Variants in FAM171A1 observed in about 807,000 individuals in gnomAD.
FAM171A1 encodes protein FAM171A1.
Under a neutral mutation model 74.9 loss-of-function variants are expected in FAM171A1, and 23 were observed. That is an observed-to-expected ratio of 0.31 (90% CI 0.22 to 0.44). The LOEUF (loss-of-function observed/expected upper bound fraction) is 0.44. Ranked by LOEUF, FAM171A1 falls within the 20% of genes least tolerant of loss-of-function variation. FAM171A1 has a pLI of 1.00. For synonymous variants in FAM171A1, 527 were observed against 505.7 expected (o/e 1.04, Z -0.57); for missense variants, 1,162 against 1,159.2 (o/e 1.00, Z -0.03).
At chr10:15,355,125 C>T (rs1013636069) in intron 1 of FAM171A1, among the ~76,000 whole-genome samples, 14 of 152,356 alleles carry the variant, frequency 9.2e-5, no homozygotes, top group African/African-American at 3.1e-4. Flanking sequence ...CTTGCTCTGA[C>T]ATCCAGGCAA....
intron 5 of FAM171A1, among the ~76,000 whole-genome samples, chr10:15,242,514 C>T (rs1224551601): frequency 6.6e-6 from 1 of 152,228 alleles, no homozygotes; most frequent in Non-Finnish European, 1.5e-5. Flanking sequence ...CGGCCGGGCG[C>T]GTTGGCTCAC....
intron 1 of FAM171A1, among the ~76,000 whole-genome samples, chr10:15,340,386 T>C (rs1388665001): frequency 6.6e-6 from 1 of 152,186 alleles, no homozygotes; most frequent in African/African-American, 2.4e-5. Context: ...TAAAAGGCTT[T>C]GCTCACACAC....
intron 2 of FAM171A1, among the ~76,000 whole-genome samples, chr10:15,280,369 G>C (rs770701772): frequency 2.0e-5 from 3 of 152,232 alleles, no homozygotes; most frequent in Non-Finnish European, 4.4e-5. Flanking sequence ...CTGTGGGGTA[G>C]AACAACTGGA....
At chr10:15,241,762 C>G (rs1278996546) in intron 5 of FAM171A1, 1 of 152,024 alleles carries the variant, frequency 6.6e-6, no homozygotes, top group African/African-American at 2.4e-5. Context: ...CACTTTGAAT[C>G]CACCCTCTTA....
intron 1 of FAM171A1, among the ~76,000 whole-genome samples, chr10:15,332,498 C>T (rs77387680): frequency 0.088 from 13,362 of 152,152 alleles, 644 homozygotes; most frequent in South Asian, 0.12. Flanking sequence ...GGTTCTGGGG[C>T]GCTGCTTGGC....
chr10:15,248,806 G>T lies in FAM171A1; in HGVS notation c.587C>A (p.Thr196Asn), dbSNP rs778885958. The T allele has an allele frequency of 1.5e-5, 24 of 1,606,866 alleles. No homozygotes were observed. In the Admixed American group the frequency reaches 4.1e-4, roughly 27 times the overall value. ...TGTGACTGGGGTCAGGTCATGCCTG[G>T]TGCTGTTTCCTAGAAGGAAGAGGCA... Reference protein sequence around the residue: ...GLDGNGTGNSTRHDLTPVTAV... With the variant: ...GLDGNGTGNSNRHDLTPVTAV... Residue 196 changes from threonine to asparagine, a missense_variant, in exon 5 of 8, where the codon ACC becomes AAC. Coordinates refer to ENST00000378116, the MANE Select transcript of FAM171A1 (RefSeq NM_001010924.2).
intron 1 of FAM171A1, among the ~76,000 whole-genome samples, chr10:15,339,028 C>T (rs1001127365): frequency 5.9e-5 from 9 of 152,194 alleles, no homozygotes; most frequent in Non-Finnish European, 7.3e-5. Flanking sequence ...CATGAGCCAC[C>T]GCACCCAGCC....
intron 1 of FAM171A1, among the ~76,000 whole-genome samples, chr10:15,296,819 G>A (rs1186061579): frequency 1.3e-5 from 2 of 150,122 alleles, no homozygotes; most frequent in Non-Finnish European, 3.0e-5. Context: ...TGACCTCATT[G>A]GAGACGCATG....
chr10:15,306,511 T>C (rs1297642405), intron 1 of FAM171A1, among the ~76,000 whole-genome samples: 2 of 152,044 alleles, frequency 1.3e-5, no homozygotes, highest in African/African-American at 2.4e-5. Flanking sequence ...ACTACAGGCA[T>C]GCCCCACCAT....
upstream of FAM171A1, among the ~76,000 whole-genome samples, chr10:15,373,229 G>A (rs1233847998): frequency 6.6e-6 from 1 of 152,188 alleles, no homozygotes; most frequent in Non-Finnish European, 1.5e-5. Flanking sequence ...CAGGTAGTCA[G>A]GAAGGCAGAA....
rs574849238 is a variant in FAM171A1 at position 15,288,563 on chromosome 10, T to C, written c.98-4458A>G. On this transcript the variant is annotated intron_variant, in intron 1 of 7. Coordinates refer to ENST00000378116, the MANE Select transcript of FAM171A1 (RefSeq NM_001010924.2). ...TGGAAATGCAACATTTACTAACAATTGGGATTACAAGGTCTTCACTGTTTG... is the reference window on the plus strand; with the variant it reads ...TGGAAATGCAACATTTACTAACAATCGGGATTACAAGGTCTTCACTGTTTG... 2.6e-5 allele frequency among the ~76,000 whole-genome samples: 4 copies of C among 152,306 alleles called. No individual in the cohort carries two copies. In the East Asian group the frequency reaches 7.7e-4, roughly 29 times the overall value.
chr10:15,314,562 C>T (rs1835401030), intron 1 of FAM171A1, among the ~76,000 whole-genome samples: 1 of 152,316 alleles, frequency 6.6e-6, no homozygotes, highest in East Asian at 1.9e-4. Context: ...CTCGTTGAAG[C>T]AATCAGACCT....
rs550269061 is a variant in FAM171A1 at position 15,301,241 on chromosome 10, C to T, written c.98-17136G>A. Reference sequence around the variant, plus strand: ...AGGCTGGAGGGCAGTGGCGCGATCTCGGCTCACTACAACCTCTGTCTTCTG... The same window carrying T: ...AGGCTGGAGGGCAGTGGCGCGATCTTGGCTCACTACAACCTCTGTCTTCTG... On this transcript the variant is annotated intron_variant, in intron 1 of 7. Coordinates refer to ENST00000378116, the MANE Select transcript of FAM171A1 (RefSeq NM_001010924.2). Among the ~76,000 whole-genome samples, 326 of 152,216 alleles carry T rather than the reference C, an allele frequency of 2.1e-3. 2 individuals carry two copies. Among genetic ancestry groups the T allele is most frequent in the African/African-American group, 7.3e-3 (303 of 41,550 alleles).
At chr10:15,263,376 G>A (rs1368246003) in intron 3 of FAM171A1, among the ~76,000 whole-genome samples, 1 of 152,128 alleles carries the variant, frequency 6.6e-6, no homozygotes, top group Non-Finnish European at 1.5e-5. Context: ...CTCCCCACAA[G>A]ATTTTGATGG....
intron 1 of FAM171A1, among the ~76,000 whole-genome samples, chr10:15,347,012 G>A (rs1835824406): frequency 1.3e-5 from 2 of 152,162 alleles, no homozygotes; most frequent in Non-Finnish European, 1.5e-5. Context: ...TTTTTGCTAC[G>A]TCAACTGTAG....
At chr10:15,371,554 A>G (rs1836149409), upstream of FAM171A1, among the ~76,000 whole-genome samples, 1 of 150,550 alleles carries the variant, frequency 6.6e-6, no homozygotes, top group Non-Finnish European at 1.5e-5. Context: ...TCTGGGTGTG[A>G]CCCCCCCACC....
chr10:15,242,407 C>T (rs1834374367), intron 5 of FAM171A1, among the ~76,000 whole-genome samples: 1 of 152,228 alleles, frequency 6.6e-6, no homozygotes, highest in African/African-American at 2.4e-5. Context: ...TGACTATCCA[C>T]AAACGTTGGC....
intron 5 of FAM171A1, chr10:15,240,778 CGTT>C (rs932845861): frequency 1.8e-5 from 18 of 979,608 alleles, no homozygotes; most frequent in South Asian, 4.7e-5. Context: ...GGCTCACAGT[CGTT>C]GTAATCCCAG....
At chr10:15,262,241 C>A (rs944841215) in intron 3 of FAM171A1, among the ~76,000 whole-genome samples, 1 of 152,106 alleles carries the variant, frequency 6.6e-6, no homozygotes, top group African/African-American at 2.4e-5. Flanking sequence ...TGGAGTATGG[C>A]CATGGGTGCA....
Sources: gnomAD v4.1 joint callset for allele counts (sites outside exome capture counted in the v4.1 genomes callset) on GRCh38, gnomAD v4.1.1 for gene constraint, MANE v1.5 for transcripts, NCBI Gene and HGNC (gene_info 2026-07-23, HGNC 2026-07-21) for gene names.